ALG5: variants seen among roughly 807,000 people sequenced by gnomAD.
ALG5 encodes the protein dolichyl-phosphate beta-glucosyltransferase.
In ALG5, 26 loss-of-function variants were observed where a neutral mutation model predicts 51.8. That is an observed-to-expected ratio of 0.50 (90% CI 0.37 to 0.70). The LOEUF is 0.70. Among genes scored for constraint, ALG5 ranks in the 30% least tolerant of loss-of-function variants. The pLI is 0.00. For missense variants in ALG5, 311 were observed against 399.3 expected (o/e 0.78, Z 1.88); for synonymous variants, 141 against 136.1 (o/e 1.04, Z -0.25).
In ALG5 at chr13:36,995,517, G is replaced by C; in HGVS notation, c.146C>G (p.Ala49Gly). Residue 49 changes from alanine (A) to glycine (G), a missense_variant, in exon 2 of 10, where the codon GCC becomes GGC. Physicochemically the swap from Ala to Gly is moderately conservative, Grantham distance 60 (BLOSUM62 0). Transcript: ENST00000239891. The part of the protein sequence containing the change: ...RHEEEKFFLN[A>G]KGQKETLPSI... ...GGGTAAAGTTTCTTTCTGGCCTTTG[G>C]CATTTAAGAAGAATTTCTCTTCTTC... The C allele has an allele frequency of 2.5e-6, 4 of 1,604,236 alleles. No individual in the cohort carries two copies. The highest frequency in any genetic ancestry group is 3.4e-6 in the Non-Finnish European group (4 of 1,177,888).
Position 36,978,027 on chromosome 13 carries a change from C to G in ALG5, c.562-5991G>C, listed in dbSNP as rs1286898346. 6.0e-5 allele frequency among the ~76,000 whole-genome samples: 9 copies of G among 150,796 alleles called. No homozygotes were observed. The East Asian group carries it at 1.6e-3, about 27-fold the overall frequency. The stretch of plus-strand genomic sequence containing the variant: ...TCAGCCTCCCGAGTAGCTGCGATTA[C>G]AGGCACGTGGCACCATGCCCGGCTA... On this transcript the variant is annotated intron_variant, in intron 6 of 9. Coordinates refer to ENST00000239891, the MANE Select transcript of ALG5 (RefSeq NM_013338.5).
chr13:36,997,324 T>C (rs1183745179), intron 1 of ALG5, among the ~76,000 whole-genome samples: 1 of 151,586 alleles, frequency 6.6e-6, no homozygotes, highest in African/African-American at 2.4e-5. Context: ...AGTACAAAAA[T>C]TAACCGGGAG....
intron 7 of ALG5, among the ~76,000 whole-genome samples, chr13:36,967,272 A>G (rs2138793831): frequency 6.6e-6 from 1 of 152,002 alleles, no homozygotes; most frequent in East Asian, 1.9e-4. Flanking sequence ...GCACCAAACT[A>G]GGAGGCCTAT....
intron 6 of ALG5, among the ~76,000 whole-genome samples, chr13:36,975,379 T>C (rs1286362826): frequency 6.6e-6 from 1 of 152,220 alleles, no homozygotes; most frequent in Non-Finnish European, 1.5e-5. Context: ...ACCCCCATGG[T>C]GACATTTAAC....
chr13:36,952,747 T>C (rs1593655189), intron 8 of ALG5, 148 bp from the exon 9 acceptor site: 1 of 497,932 alleles, frequency 2.0e-6, no homozygotes, highest in Non-Finnish European at 3.5e-6. Context: ...AATCAAATAA[T>C]TCAAAGCTGA....
At position 36,965,637 on chromosome 13, in the gene ALG5, C is replaced by A. The variant is rs752320195; in HGVS notation, c.711G>T (p.Gly237=). The part of the protein sequence containing the change: ...CVKGIRDTQC[G]FKLFTREAAS... ...CTGCTTCTCGAGTAAATAATTTGAA[C>A]CCACACTGTGTGTCCCTGATTCCTT... is the stretch of plus-strand genomic sequence containing the variant. Residue 237 remains glycine (G), a synonymous_variant, in exon 8 of 10, where the codon GGG becomes GGT. Coordinates refer to ENST00000239891, the MANE Select transcript of ALG5 (RefSeq NM_013338.5). 1 of 1,614,018 alleles carries A rather than the reference C, an allele frequency of 6.2e-7. No individual in the cohort carries two copies. Among genetic ancestry groups the A allele is most frequent in the Non-Finnish European group, 8.5e-7 (1 of 1,179,948 alleles).
chr13:36,970,481 T>C (rs1268529595), intron 7 of ALG5, among the ~76,000 whole-genome samples: 1 of 152,080 alleles, frequency 6.6e-6, no homozygotes, highest in Non-Finnish European at 1.5e-5. Context: ...ACGCCTGTAA[T>C]CCCAGCTACT....
rs1003116099 is a variant in ALG5 at position 36,979,134 on chromosome 13, G to C, written c.561+6493C>G. The stretch of plus-strand genomic sequence containing the variant: ...TGGGCTCAAGTTATTCTCCTGCTTC[G>C]GCCTCCTGAGTAGCTGGGACTACAG... On this transcript the variant is annotated intron_variant, in intron 6 of 9. Coordinates refer to ENST00000239891, the MANE Select transcript of ALG5 (RefSeq NM_013338.5). Among the ~76,000 whole-genome samples the C allele has an allele frequency of 3.3e-5, 5 of 151,774 alleles. No homozygotes were observed. In the East Asian group the frequency reaches 9.8e-4, roughly 30 times the overall value.
rs375341731 is a variant in ALG5 at position 36,972,793 on chromosome 13, T to C, written c.562-757A>G. Among the ~76,000 whole-genome samples the C allele has an allele frequency of 4.8e-3, 726 of 151,968 alleles. 3 individuals are homozygous for C. The highest frequency in any genetic ancestry group is 0.01 in the Middle Eastern group (3 of 294). ...AGATCACGAGGTCAGGAGATCGAGA[T>C]CATCCTGGCTAACACAGCGAAACCC... is the stretch of plus-strand genomic sequence containing the variant. On this transcript the variant is annotated intron_variant, in intron 6 of 9. Coordinates refer to ENST00000239891, the MANE Select transcript of ALG5 (RefSeq NM_013338.5).
chr13:36,950,522 C>A (rs755877911), intron 9 of ALG5, among the ~76,000 whole-genome samples: 1 of 152,106 alleles, frequency 6.6e-6, no homozygotes, highest in Non-Finnish European at 1.5e-5. Context: ...CTCTTTGTCT[C>A]GGGCTACACA....
chr13:36,987,097 G>C (rs960367975), intron 5 of ALG5, among the ~76,000 whole-genome samples: 3 of 152,008 alleles, frequency 2.0e-5, no homozygotes, highest in African/African-American at 7.3e-5. Flanking sequence ...CCTCCTCTTT[G>C]CCAGTTTAAT....
Position 36,995,509 on chromosome 13 carries a change from G to T in ALG5, c.154C>A (p.Gln52Lys). The T allele has an allele frequency of 6.2e-7, 1 of 1,606,238 alleles. No individual in the cohort carries two copies. The highest frequency in any genetic ancestry group is 8.5e-7 in the Non-Finnish European group (1 of 1,178,306). Residue 52 changes from glutamine to lysine, a missense_variant, in exon 2 of 10, where the codon CAG becomes AAG. Physicochemically the swap from Gln to Lys is moderately conservative, Grantham distance 53. Coordinates refer to ENST00000239891, the MANE Select transcript of ALG5 (RefSeq NM_013338.5). Reference sequence around the variant, plus strand: ...CATATGCTGGGTAAAGTTTCTTTCTGGCCTTTGGCATTTAAGAAGAATTTC... The same window carrying T: ...CATATGCTGGGTAAAGTTTCTTTCTTGCCTTTGGCATTTAAGAAGAATTTC... ...EEKFFLNAKG[Q>K]KETLPSIWDS...
chr13:36,989,661 A>G (rs958929868), intron 4 of ALG5, 85 bp from the exon 5 acceptor site: 4 of 1,011,698 alleles, frequency 4.0e-6, no homozygotes, highest in African/African-American at 1.6e-5. Context: ...TGGCTCAAAC[A>G]CTGCTATTGC....
In ALG5 at chr13:36,949,779, A is replaced by G; in HGVS notation, c.*163T>C. 2.2e-6 allele frequency: 1 copy of G among 451,854 alleles called. No homozygotes were observed. Among genetic ancestry groups the G allele is most frequent in the Non-Finnish European group, 3.9e-6 (1 of 256,548 alleles). The allele number at this position is 451,854 out of a possible 1,614,324, so 28.0% of individuals were successfully genotyped here. On this transcript the variant is annotated 3_prime_UTR_variant, in exon 10 of 10. Transcript: ENST00000239891. ...CATCTTTTAAAAATCATTTATATCC[A>G]AAGAGATATATAATTTTTTACTTAT...
chr13:36,949,889 G>T lies in ALG5; in HGVS notation c.*53C>A. The stretch of plus-strand genomic sequence containing the variant: ...TTTACTTAAAATTTTAGTTTCAAAT[G>T]AAATGAAATGTGACACTGAAGCATA... On this transcript the variant is annotated 3_prime_UTR_variant, in exon 10 of 10. Transcript: ENST00000239891. The T allele has an allele frequency of 9.0e-7, 1 of 1,107,098 alleles. No homozygotes were observed. The highest frequency in any genetic ancestry group is 1.3e-6 in the Non-Finnish European group (1 of 779,222). The allele number at this position is 1,107,098 out of a possible 1,614,324, so 68.6% of individuals were successfully genotyped here.
chr13:36,992,015 G>A (rs2059027664), intron 4 of ALG5, among the ~76,000 whole-genome samples: 1 of 152,132 alleles, frequency 6.6e-6, no homozygotes, highest in Admixed American at 6.6e-5. Context: ...TTGTGATGAA[G>A]GAATGCGTGA....
chr13:36,985,711 G>C lies in ALG5; in HGVS notation c.477C>G (p.Ile159Met). The C allele has an allele frequency of 6.2e-7, 1 of 1,613,408 alleles. No homozygotes were observed. The highest frequency in any genetic ancestry group is 8.5e-7 in the Non-Finnish European group (1 of 1,179,804). Residue 159 changes from isoleucine to methionine, a missense_variant, in exon 6 of 10, where the codon ATC becomes ATG. By Grantham distance (10) the Ile-to-Met change is conservative (BLOSUM62 1). Transcript: ENST00000239891. ...TGGCTCCATCAGCATCTGCCATAAG[G>C]ATCTTTTCTCCTCGAGAACTGAATA... Reference protein sequence around the residue: ...MGIFSSRGEKILMADADGATK... With the variant: ...MGIFSSRGEKMLMADADGATK...
At chr13:36,985,129 C>G (rs921725262) in intron 6 of ALG5, among the ~76,000 whole-genome samples, 5 of 151,718 alleles carry the variant, frequency 3.3e-5, no homozygotes, top group Non-Finnish European at 7.4e-5. Flanking sequence ...TCTTATTTCT[C>G]TAAATGGCTT....
chr13:36,965,585 C>T lies in ALG5; in HGVS notation c.763G>A (p.Val255Ile), dbSNP rs149495195. The change falls in exon 8 of 10, where the codon GTT becomes ATT. Residue 255 changes from valine to isoleucine, a missense_variant. Transcript: ENST00000239891. Reference sequence around the variant, plus strand: ...CAGTCAGAAACCTACCATCGTTCAACGTGTAGAGATGAAAACGTCCGTGAA... The same window carrying T: ...CAGTCAGAAACCTACCATCGTTCAATGTGTAGAGATGAAAACGTCCGTGAA... The part of the protein sequence containing the change: ...AASRTFSSLH[V>I]ERWAFDVELL... 53 of 1,613,260 alleles carry T rather than the reference C, an allele frequency of 3.3e-5. No individual in the cohort carries two copies. The highest frequency in any genetic ancestry group is 1.3e-4 in the Admixed American group (8 of 59,854).
Sources: gnomAD v4.1 joint callset for allele counts (sites outside exome capture counted in the v4.1 genomes callset) on GRCh38, gnomAD v4.1.1 for gene constraint, MANE v1.5 for transcripts, NCBI Gene and HGNC (gene_info 2026-07-23, HGNC 2026-07-21) for gene names.